NAF1: variants seen among roughly 807,000 people sequenced by gnomAD.
The protein encoded by NAF1 is nuclear assembly factor 1 ribonucleoprotein, also known as H/ACA ribonucleoprotein complex non-core subunit NAF1.
In NAF1, 11 loss-of-function variants were observed where a neutral mutation model predicts 40.6. The ratio of observed to expected loss-of-function variants is 0.27; its 90% CI spans 0.17 to 0.45. The LOEUF is 0.45. NAF1 is among the 20% of genes least tolerant of loss of function. The pLI, the probability that NAF1 is intolerant of heterozygous loss-of-function variation, is 1.00. For synonymous variants in NAF1, 260 were observed against 228.5 expected (o/e 1.14, Z -1.24); for missense variants, 607 against 611.1 (o/e 0.99, Z 0.07).
At chr4:163,104,685 AG>A in the NAF1 span, among the ~76,000 whole-genome samples, 1 of 152,242 alleles carries the variant, frequency 6.6e-6, no homozygotes, top group Non-Finnish European at 1.5e-5. Context: ...AAGATCACTA[AG>A]GAACAATTTA....
Position 163,137,068 on chromosome 4 carries a change from G to A in NAF1, c.930+131C>T, listed in dbSNP as rs190976637. ...TCTAGGACGGTGAGAGAATACATGC[G>A]CTAGGACAGGATAAGGCAGTATGGC... On this transcript the variant is annotated intron_variant, in intron 6 of 7. Transcript: ENST00000274054. 2,250 of 955,334 alleles carry A rather than the reference G, an allele frequency of 2.4e-3. 9 individuals carry two copies. Among genetic ancestry groups the A allele is most frequent in the Non-Finnish European group, 3.1e-3 (1,963 of 634,078 alleles). The allele number at this position is 955,334 out of a possible 1,614,324, so 59.2% of individuals were successfully genotyped here.
intron 6 of NAF1, among the ~76,000 whole-genome samples, chr4:163,133,928 C>G (rs1730963762): frequency 6.6e-6 from 1 of 152,114 alleles, no homozygotes; most frequent in African/African-American, 2.4e-5. Flanking sequence ...CAGGCGCACG[C>G]CACCATGCCC....
downstream of NAF1, among the ~76,000 whole-genome samples, chr4:163,124,078 G>A (rs1730585472): frequency 6.6e-6 from 1 of 152,228 alleles, no homozygotes; most frequent in Non-Finnish European, 1.5e-5. Flanking sequence ...AATTTATGCT[G>A]GGCATGGTGG....
chr4:163,160,567 G>T (rs561915431), intron 2 of NAF1, among the ~76,000 whole-genome samples: 1 of 152,178 alleles, frequency 6.6e-6, no homozygotes, highest in East Asian at 1.9e-4. Context: ...TAAAGGGATA[G>T]ATCCAGAGAG....
intron 2 of NAF1, among the ~76,000 whole-genome samples, chr4:163,154,356 CA>C (rs1731877725): frequency 6.6e-6 from 1 of 152,102 alleles, no homozygotes. Flanking sequence ...AAATACTCCA[CA>C]AAACATAAAA....
intron 2 of NAF1, among the ~76,000 whole-genome samples, chr4:163,162,057 C>G (rs1009103932): frequency 6.6e-6 from 1 of 151,620 alleles, no homozygotes; most frequent in Admixed American, 6.6e-5. Context: ...GCCAAGCAAT[C>G]TGAATACCCA....
chr4:163,139,788 T>G (rs1003917828), intron 5 of NAF1, among the ~76,000 whole-genome samples: 3 of 152,092 alleles, frequency 2.0e-5, no homozygotes, highest in African/African-American at 7.2e-5. Flanking sequence ...AATAAAGAGA[T>G]AACACTCATT....
intron 2 of NAF1, among the ~76,000 whole-genome samples, chr4:163,117,280 T>C (rs1189025038): frequency 6.6e-6 from 1 of 152,222 alleles, no homozygotes; most frequent in Admixed American, 6.5e-5. Context: ...CATATACTTG[T>C]ATTATAGCAC....
At chr4:163,136,065 C>T (rs933781390) in intron 6 of NAF1, 2 of 152,128 alleles carry the variant, frequency 1.3e-5, no homozygotes, top group Non-Finnish European at 2.9e-5. Flanking sequence ...TAGAACCCTC[C>T]AAGTGGGCAT....
chr4:163,115,891 A>G (rs1730322250), intron 2 of NAF1, among the ~76,000 whole-genome samples: 1 of 152,192 alleles, frequency 6.6e-6, no homozygotes, highest in Non-Finnish European at 1.5e-5. Context: ...TATCAGTTTT[A>G]TTTGTAGAGA....
Position 163,161,018 on chromosome 4 carries a change from CAAAAAAA to C in NAF1, c.540+3192_540+3198del, listed in dbSNP as rs796248441. 0.011 allele frequency among the ~76,000 whole-genome samples: 634 copies of C among 59,708 alleles called. 23 individuals are homozygous for C. In the East Asian group the frequency reaches 0.14, roughly 13 times the overall value. 39.2% of individuals were successfully genotyped at this position (59,708 alleles called of 152,430 possible). A position where few individuals can be genotyped will look rare whatever the true frequency, so the allele number is the denominator to read the frequency against. On this transcript the variant is annotated intron_variant, in intron 2 of 7. Coordinates refer to ENST00000274054, the MANE Select transcript of NAF1 (RefSeq NM_138386.3). ...CCAGAAAGAATGGACTGTCATTTTC[CAAAAAAA>C]AAAAAAAAAAAAAAATCTAAGCTAA...
At chr4:163,130,261 T>C (rs1278256246) in intron 7 of NAF1, among the ~76,000 whole-genome samples, 1 of 151,698 alleles carries the variant, frequency 6.6e-6, no homozygotes, top group Non-Finnish European at 1.5e-5. Context: ...AAAAAATAAA[T>C]CAAGCAAGGG....
chr4:163,144,796 AGTCACATTTACAG>A (rs1731398405), intron 4 of NAF1, among the ~76,000 whole-genome samples: 1 of 152,196 alleles, frequency 6.6e-6, no homozygotes, highest in Admixed American at 6.5e-5. Flanking sequence ...TATTAATATT[AGTCACATTTACAG>A]GTCTAGAAAT....
At chr4:163,109,160 CTT>C (rs11353573), downstream of NAF1, among the ~76,000 whole-genome samples, 1,471 of 134,782 alleles carry the variant, frequency 0.011, 23 homozygotes, top group African/African-American at 0.019. Flanking sequence ...CCTTTTCACC[CTT>C]TTTTTTTTTT....
chr4:163,130,185 A>G (rs1730815932), intron 7 of NAF1, among the ~76,000 whole-genome samples: 1 of 152,188 alleles, frequency 6.6e-6, no homozygotes, highest in African/African-American at 2.4e-5. Context: ...TACTCAATAT[A>G]CCCAGGTTGC....
At chr4:163,126,883 T>A, downstream of NAF1, 1 of 1,442,194 alleles carries the variant, frequency 6.9e-7, no homozygotes, top group Non-Finnish European at 9.1e-7. Context: ...GCTAAAAGAC[T>A]GTAACTCACT....
At chr4:163,114,170 G>A (rs1730253713) in intron 2 of NAF1, among the ~76,000 whole-genome samples, 1 of 152,210 alleles carries the variant, frequency 6.6e-6, no homozygotes, top group Non-Finnish European at 1.5e-5. Flanking sequence ...TCAGGAAACT[G>A]CATGTATCTA....
chr4:163,106,550 A>G (rs577666360), downstream of NAF1, among the ~76,000 whole-genome samples: 17 of 150,814 alleles, frequency 1.1e-4, no homozygotes, highest in East Asian at 3.2e-3. Flanking sequence ...ACTAAAGTGA[A>G]AAAGAACTAC....
intron 1 of NAF1, 30 bp downstream of exon 1, chr4:163,166,333 C>A: frequency 6.5e-7 from 1 of 1,549,724 alleles, no homozygotes; most frequent in Non-Finnish European, 8.7e-7. Flanking sequence ...AGACCTCTCC[C>A]CACAGCTCCG....
Sources: allele counts gnomAD v4.1 joint callset (sites outside exome capture counted in the v4.1 genomes callset), GRCh38; gene constraint gnomAD v4.1.1; transcripts MANE v1.5; gene names NCBI Gene and HGNC (gene_info 2026-07-23, HGNC 2026-07-21).